Variants in EYA2 observed in about 807,000 individuals in gnomAD.
EYA2 encodes the protein EYA transcriptional coactivator and phosphatase 2, also known as protein phosphatase EYA2.
Under a neutral mutation model 69.2 loss-of-function variants are expected in EYA2, and 31 were observed. The ratio of observed to expected loss-of-function variants is 0.45; its 90% CI spans 0.34 to 0.60. EYA2 has a LOEUF of 0.60. Ranked by LOEUF, EYA2 falls within the 20% of genes least tolerant of loss-of-function variation. The pLI, the probability that EYA2 is intolerant of heterozygous loss-of-function variation, is 0.02. For synonymous variants in EYA2, 257 were observed against 279.4 expected (o/e 0.92, Z 0.80); for missense variants, 622 against 701.2 (o/e 0.89, Z 1.28).
chr20:47,032,814 G>A (rs1435601173), intron 5 of EYA2, among the ~76,000 whole-genome samples: 1 of 152,176 alleles, frequency 6.6e-6, no homozygotes, highest in African/African-American at 2.4e-5. Context: ...TGGCTATCAT[G>A]GTTAGTGTTA....
At chr20:46,920,425 C>A (rs1458438503) in intron 1 of EYA2, among the ~76,000 whole-genome samples, 1 of 152,180 alleles carries the variant, frequency 6.6e-6, no homozygotes, top group African/African-American at 2.4e-5. Context: ...GACACGTTAT[C>A]TTTTTATGAC....
intron 1 of EYA2, among the ~76,000 whole-genome samples, chr20:46,945,441 G>A (rs1472130414): frequency 6.6e-6 from 1 of 152,214 alleles, no homozygotes; most frequent in Non-Finnish European, 1.5e-5. Context: ...TACCTCAGGT[G>A]TTTCTGTCCT....
At chr20:46,923,540 G>A (rs980457081) in intron 1 of EYA2, among the ~76,000 whole-genome samples, 7 of 152,182 alleles carry the variant, frequency 4.6e-5, no homozygotes, top group Admixed American at 3.9e-4. Flanking sequence ...TATTGTGTCA[G>A]TGTTAAAGTG....
intron 1 of EYA2, among the ~76,000 whole-genome samples, chr20:46,950,115 A>G (rs1238289102): frequency 6.6e-6 from 1 of 152,208 alleles, no homozygotes; most frequent in Non-Finnish European, 1.5e-5. Flanking sequence ...AAGAGCCATC[A>G]ATCCAGGCTC....
chr20:47,089,564 G>A (rs956062428), intron 8 of EYA2, among the ~76,000 whole-genome samples, 183 bp downstream of exon 8: 6 of 152,320 alleles, frequency 3.9e-5, no homozygotes, highest in South Asian at 4.1e-4. Flanking sequence ...CAGAAGAGAG[G>A]TTCTCAAACT....
chr20:47,026,113 G>A (rs575243471), intron 5 of EYA2, among the ~76,000 whole-genome samples: 1 of 152,320 alleles, frequency 6.6e-6, no homozygotes, highest in South Asian at 2.1e-4. Context: ...GATCAATAGA[G>A]GAGAACAAAT....
Position 47,131,843 on chromosome 20 carries a change from G to A in EYA2, c.889-11216G>A, listed in dbSNP as rs372941675. Among the ~76,000 whole-genome samples, 10 of 152,330 alleles carry A rather than the reference G, an allele frequency of 6.6e-5. No individual in the cohort carries two copies. In the East Asian group the frequency reaches 1.3e-3, roughly 21 times the overall value. On this transcript the variant is annotated intron_variant, in intron 9 of 15. Coordinates refer to ENST00000327619, the MANE Select transcript of EYA2 (RefSeq NM_005244.5). ...ACTAAGTTTGTGCTAATGTGTTATG[G>A]CAGCCACGGGAAACTATATTACATG...
At chr20:47,060,521 C>G (rs970225185) in intron 5 of EYA2, among the ~76,000 whole-genome samples, 3 of 152,226 alleles carry the variant, frequency 2.0e-5, no homozygotes, top group Admixed American at 2.0e-4. Context: ...CAAGGGAGGC[C>G]AGGAATGCAA....
At chr20:47,123,123 C>T (rs1462246142) in intron 9 of EYA2, among the ~76,000 whole-genome samples, 1 of 151,982 alleles carries the variant, frequency 6.6e-6, no homozygotes, top group African/African-American at 2.4e-5. Context: ...GCTGTACCTC[C>T]TATGTAGTAA....
intron 1 of EYA2, among the ~76,000 whole-genome samples, chr20:46,943,900 C>T (rs1986256556): frequency 6.6e-6 from 1 of 152,210 alleles, no homozygotes; most frequent in Non-Finnish European, 1.5e-5. Context: ...CCTGCGCTCT[C>T]TTTTTCTTTT....
chr20:47,089,723 G>T (rs1049430138), intron 8 of EYA2, among the ~76,000 whole-genome samples: 4 of 152,144 alleles, frequency 2.6e-5, no homozygotes, highest in Non-Finnish European at 4.4e-5. Context: ...TGATTATGAT[G>T]CTCTGGATTG....
intron 7 of EYA2, among the ~76,000 whole-genome samples, chr20:47,083,471 G>C (rs1169502910): frequency 2.6e-5 from 4 of 151,842 alleles, no homozygotes; most frequent in Non-Finnish European, 1.5e-5. Context: ...CCAGCTACTT[G>C]GGAGGCTGAG....
chr20:47,000,430 G>C (rs1378331047), intron 2 of EYA2, among the ~76,000 whole-genome samples: 1 of 152,206 alleles, frequency 6.6e-6, no homozygotes, highest in East Asian at 1.9e-4. Flanking sequence ...GCTGAGGCAG[G>C]CTCAGAGCTC....
intron 7 of EYA2, among the ~76,000 whole-genome samples, chr20:47,078,548 C>A (rs1270265348): frequency 6.6e-6 from 1 of 152,226 alleles, no homozygotes; most frequent in Non-Finnish European, 1.5e-5. Flanking sequence ...CCCATGCACC[C>A]CATCCTCGCC....
rs377172242 is a variant in EYA2 at position 47,089,359 on chromosome 20, C to T, written c.782C>T (p.Pro261Leu). ...TCTAAGAGGAGCAGTGACCCGTCCC[C>T]GGCAGGGGACAATGAGATTGAGGTA... ...GRSKRSSDPS[P>L]AGDNEIERVF... The change falls in exon 8 of 16, where the codon CCG becomes CTG. Residue 261 changes from proline to leucine, a missense_variant. Physicochemically the swap from Pro to Leu is moderately conservative, Grantham distance 98 (BLOSUM62 -3). Coordinates refer to ENST00000327619, the MANE Select transcript of EYA2 (RefSeq NM_005244.5). 100 of 1,613,856 alleles carry T rather than the reference C, an allele frequency of 6.2e-5. No homozygotes were observed. Among genetic ancestry groups the T allele is most frequent in the Non-Finnish European group, 7.6e-5 (90 of 1,179,942 alleles).
rs144544070 is a variant in EYA2 at position 47,054,970 on chromosome 20, C to G, written c.416-17215C>G. Among the ~76,000 whole-genome samples the G allele has an allele frequency of 4.1e-3, 626 of 152,346 alleles. 2 individuals are homozygous for G. The highest frequency in any genetic ancestry group is 0.014 in the African/African-American group (567 of 41,570). On this transcript the variant is annotated intron_variant, in intron 5 of 15. Transcript: ENST00000327619. The stretch of plus-strand genomic sequence containing the variant: ...CCAGATTTGGTTCCTCTTTCTGTCT[C>G]TCTTTTTCTGTGTTCTGCAGCTGTG...
At chr20:47,043,720 C>G (rs75942862) in intron 5 of EYA2, among the ~76,000 whole-genome samples, 1 of 152,060 alleles carries the variant, frequency 6.6e-6, no homozygotes, top group Non-Finnish European at 1.5e-5. Context: ...TAAGTTAATA[C>G]GTATAAAGCT....
chr20:46,905,924 C>A (rs1238562118), intron 1 of EYA2, among the ~76,000 whole-genome samples: 2 of 152,190 alleles, frequency 1.3e-5, no homozygotes, highest in Non-Finnish European at 2.9e-5. Flanking sequence ...TTGCCCCAGG[C>A]ACATTCCTTA....
In EYA2 at chr20:47,072,082, C is replaced by T. The variant is rs1040195679; in HGVS notation, c.416-103C>T. 2.0e-5 allele frequency: 21 copies of T among 1,066,230 alleles called. 2 individuals are homozygous for T. The South Asian group carries it at 2.6e-4, about 13-fold the overall frequency. 66.0% of individuals were successfully genotyped at this position (1,066,230 alleles called of 1,614,324 possible). A position where few individuals can be genotyped will look rare whatever the true frequency, so the allele number is the denominator to read the frequency against. The stretch of plus-strand genomic sequence containing the variant: ...ACCAGAGCTTCTGCCCAGCTGTCAC[C>T]CTTGAAGCCACATGGAGGGAGGTTC... On this transcript the variant is annotated intron_variant, in intron 5 of 15. Coordinates refer to ENST00000327619, the MANE Select transcript of EYA2 (RefSeq NM_005244.5).
Sources: gnomAD v4.1 joint callset for allele counts (sites outside exome capture counted in the v4.1 genomes callset) on GRCh38, gnomAD v4.1.1 for gene constraint, MANE v1.5 for transcripts, NCBI Gene and HGNC (gene_info 2026-07-23, HGNC 2026-07-21) for gene names.